The following EMCN variants were observed in gnomAD, a reference collection of about 807,000 sequenced individuals.
The protein encoded by EMCN is MUC-14.
Under a neutral mutation model 38.4 loss-of-function variants are expected in EMCN, and 37 were observed. The ratio of observed to expected loss-of-function variants is 0.96; its 90% CI spans 0.74 to 1.27. The LOEUF (loss-of-function observed/expected upper bound fraction) is 1.27, where lower values mean the gene tolerates loss of function less well. EMCN is among the 50% of genes most tolerant of loss of function. The probability of loss-of-function intolerance (pLI) is 0.00; values close to 1 mark genes in which losing one functional copy is unlikely to be tolerated. For synonymous variants in EMCN, 95 were observed against 100.8 expected (o/e 0.94, Z 0.35); for missense variants, 318 against 302.8 (o/e 1.05, Z -0.37).
chr4:100,445,232 C>A (rs1441774772), intron 5 of EMCN, among the ~76,000 whole-genome samples: 6 of 152,044 alleles, frequency 3.9e-5, no homozygotes. Flanking sequence ...TTTAGTTGGC[C>A]ATCTTGCTGA....
At chr4:100,515,626 G>T (rs994944965) in intron 1 of EMCN, among the ~76,000 whole-genome samples, 8 of 152,052 alleles carry the variant, frequency 5.3e-5, no homozygotes, top group African/African-American at 1.9e-4. Context: ...GCATGGATCT[G>T]CTTGACAGCT....
At chr4:100,398,710 A>G (rs1368807816) in intron 11 of EMCN, among the ~76,000 whole-genome samples, 2 of 152,012 alleles carry the variant, frequency 1.3e-5, no homozygotes, top group African/African-American at 4.8e-5. Flanking sequence ...GCCACATCCA[A>G]TCAATCACCA....
At chr4:100,416,979 A>C in intron 9 of EMCN, 138 bp downstream of exon 9, 1 of 771,472 alleles carries the variant, frequency 1.3e-6, no homozygotes, top group African/African-American at 1.8e-5. Context: ...AAATGGAGAG[A>C]GCTCTGACAA....
chr4:100,406,617 C>G (rs968879973), intron 11 of EMCN, among the ~76,000 whole-genome samples: 26 of 151,894 alleles, frequency 1.7e-4, no homozygotes, highest in Admixed American at 4.6e-4. Context: ...ATGATTTTGG[C>G]TTTTTTGAAA....
intron 4 of EMCN, among the ~76,000 whole-genome samples, chr4:100,458,382 C>T (rs1728077059): frequency 1.3e-5 from 2 of 151,938 alleles, no homozygotes; most frequent in South Asian, 2.1e-4. Context: ...GAATTATTGC[C>T]TCCATTATAC....
intron 4 of EMCN, among the ~76,000 whole-genome samples, chr4:100,459,136 A>T: frequency 7.3e-6 from 1 of 137,534 alleles, no homozygotes; most frequent in Non-Finnish European, 1.6e-5. Context: ...AAGTTGGACA[A>T]CTCCTCCTAG....
At chr4:100,471,684 C>T (rs927919622) in intron 3 of EMCN, among the ~76,000 whole-genome samples, 10 of 151,738 alleles carry the variant, frequency 6.6e-5, no homozygotes, top group Non-Finnish European at 1.3e-4. Context: ...AAATTCTTAA[C>T]AAAATAATAT....
At position 100,495,191 on chromosome 4, in the gene EMCN, A is replaced by G. The variant is rs376032251; in HGVS notation, c.65-15152T>C. 1.7e-4 allele frequency among the ~76,000 whole-genome samples: 26 copies of G among 152,062 alleles called. 2 individuals are homozygous for G. The highest frequency in any genetic ancestry group is 1.1e-3 in the Admixed American group (17 of 15,262). On this transcript the variant is annotated intron_variant, in intron 1 of 11. Coordinates refer to ENST00000296420, the MANE Select transcript of EMCN (RefSeq NM_016242.4). ...AACATATTTTATATTAAAGGGTGGC[A>G]ATACCTAGATGATATTTGAGTTACC...
At chr4:100,411,533 TAAC>T (rs1352284546) in intron 10 of EMCN, among the ~76,000 whole-genome samples, 1 of 151,936 alleles carries the variant, frequency 6.6e-6, no homozygotes, top group Non-Finnish European at 1.5e-5. Flanking sequence ...ATGATATCAG[TAAC>T]AAGAATAATG....
intron 5 of EMCN, among the ~76,000 whole-genome samples, chr4:100,441,133 T>C (rs1309996056): frequency 6.6e-6 from 1 of 152,100 alleles, no homozygotes; most frequent in Non-Finnish European, 1.5e-5. Context: ...TATTATAATA[T>C]TGCTCTTTAT....
intron 4 of EMCN, among the ~76,000 whole-genome samples, chr4:100,452,203 T>G (rs1011242056): frequency 2.0e-5 from 3 of 152,060 alleles, no homozygotes; most frequent in African/African-American, 7.2e-5. Flanking sequence ...ATTATAAAAT[T>G]ATCTTTGCTT....
intron 5 of EMCN, among the ~76,000 whole-genome samples, chr4:100,435,685 G>A (rs1238301577): frequency 3.9e-5 from 6 of 152,072 alleles, no homozygotes; most frequent in South Asian, 2.1e-4. Flanking sequence ...CATGCACATA[G>A]ACCAATGGAA....
chr4:100,500,910 G>T (rs1020325579), intron 1 of EMCN, among the ~76,000 whole-genome samples: 2 of 151,622 alleles, frequency 1.3e-5, no homozygotes, highest in African/African-American at 4.8e-5. Context: ...TTTTTGACTG[G>T]GTTGTTTTTA....
At chr4:100,446,427 A>G (rs1384496166) in intron 5 of EMCN, among the ~76,000 whole-genome samples, 4 of 152,152 alleles carry the variant, frequency 2.6e-5, no homozygotes, top group Non-Finnish European at 5.9e-5. Context: ...CCTTGAACAC[A>G]AGAGGTAGAA....
intron 4 of EMCN, among the ~76,000 whole-genome samples, chr4:100,457,899 A>G (rs1728061992): frequency 6.6e-6 from 1 of 152,102 alleles, no homozygotes; most frequent in Non-Finnish European, 1.5e-5. Context: ...TGGGTGGATC[A>G]TGAGATCAGG....
chr4:100,405,156 A>G (rs1726359899), intron 11 of EMCN, among the ~76,000 whole-genome samples: 1 of 151,940 alleles, frequency 6.6e-6, no homozygotes, highest in African/African-American at 2.4e-5. Flanking sequence ...CATATAATCT[A>G]TGAAGACAGA....
intron 5 of EMCN, among the ~76,000 whole-genome samples, chr4:100,426,533 G>A (rs750951773): frequency 2.2e-4 from 33 of 151,974 alleles, no homozygotes; most frequent in Admixed American, 6.6e-4. Flanking sequence ...TTCTCTCATA[G>A]GCATTTTCCC....
chr4:100,480,118 C>CT (rs1287033740), intron 1 of EMCN, 79 bp from the exon 2 acceptor site: 1 of 1,275,286 alleles, frequency 7.8e-7, no homozygotes, highest in African/African-American at 1.5e-5. Context: ...AACAAGTGTA[C>CT]TGGTCAGTAG....
chr4:100,427,600 T>C lies in EMCN; in HGVS notation c.416-4196A>G, dbSNP rs151112082. Among the ~76,000 whole-genome samples the C allele has an allele frequency of 3.5e-3, 537 of 152,126 alleles. 6 individuals carry two copies. Among genetic ancestry groups the C allele is most frequent in the African/African-American group, 0.012 (508 of 41,510 alleles). On this transcript the variant is annotated intron_variant, in intron 5 of 11. Coordinates refer to ENST00000296420, the MANE Select transcript of EMCN (RefSeq NM_016242.4). ...CCACATCTGTCCCCTCTTTTCTTTC[T>C]AAATTATAATCTTGGAGTGTCCCCT...
Sources: allele counts gnomAD v4.1 joint callset (sites outside exome capture counted in the v4.1 genomes callset), GRCh38; gene constraint gnomAD v4.1.1; transcripts MANE v1.5; gene names NCBI Gene and HGNC (gene_info 2026-07-23, HGNC 2026-07-21).